PMEPA1: variants seen among roughly 807,000 people sequenced by gnomAD.
PMEPA1 encodes prostate transmembrane protein, androgen induced 1.
In PMEPA1, 11 loss-of-function variants were observed where a neutral mutation model predicts 23.0. That is an observed-to-expected ratio of 0.48 (90% confidence interval 0.30 to 0.79). The LOEUF (loss-of-function observed/expected upper bound fraction) is 0.79, where lower values mean the gene tolerates loss of function less well. Among genes scored for constraint, PMEPA1 ranks in the 30% least tolerant of loss-of-function variants. The pLI, the probability that PMEPA1 is intolerant of heterozygous loss-of-function variation, is 0.06. For missense variants in PMEPA1, 377 were observed against 390.9 expected, an observed-to-expected ratio of 0.96 and a Z score of 0.30; for synonymous variants, 204 against 166.4, an observed-to-expected ratio of 1.23 and a Z score of -1.74.
intron 1 of PMEPA1, among the ~76,000 whole-genome samples, chr20:57,701,857 C>A (rs1353845837): frequency 6.6e-6 from 1 of 152,154 alleles, no homozygotes; most frequent in African/African-American, 2.4e-5. Flanking sequence ...ACATGAGACT[C>A]CTACCAGGTT....
chr20:57,651,952 G>A lies in PMEPA1; in HGVS notation c.*101C>T, dbSNP rs758750370. ...AGGTGGGAGGGGAGGGCCACACGAT[G>A]CGTTGCTGCGCCCCCCGCCTTCCTC... On this transcript the variant is annotated 3_prime_UTR_variant, in exon 4 of 4. Coordinates refer to ENST00000341744, the MANE Select transcript of PMEPA1 (RefSeq NM_020182.5). 1.6e-5 allele frequency: 15 copies of A among 951,976 alleles called. No homozygotes were observed. The highest frequency in any genetic ancestry group is 5.9e-5 in the South Asian group (3 of 50,916). 59.0% of individuals were successfully genotyped at this position (951,976 alleles called of 1,614,324 possible).
At position 57,699,936 on chromosome 20, in the gene PMEPA1, G is replaced by A. The variant is rs980626127; in HGVS notation, c.109+9538C>T. 19 of 441,534 alleles carry A rather than the reference G, an allele frequency of 4.3e-5. 1 individual carries two copies. Among genetic ancestry groups the A allele is most frequent in the South Asian group, 9.7e-5 (6 of 62,014 alleles). The allele number at this position is 441,534 out of a possible 1,614,324, so 27.4% of individuals were successfully genotyped here. A position where few individuals can be genotyped will look rare whatever the true frequency, so the allele number is the denominator to read the frequency against. ...GAACGCACATGTTTCGACAGTCCGCGTTTTACATATATCATACATAAAATA... is the reference window on the plus strand; with the variant it reads ...GAACGCACATGTTTCGACAGTCCGCATTTTACATATATCATACATAAAATA... On this transcript the variant is annotated intron_variant, in intron 1 of 3. Transcript: ENST00000341744.
At chr20:57,697,590 C>T (rs1173276504) in intron 1 of PMEPA1, among the ~76,000 whole-genome samples, 1 of 152,214 alleles carries the variant, frequency 6.6e-6, no homozygotes, top group Non-Finnish European at 1.5e-5. Flanking sequence ...AAGCTAGGAG[C>T]TGGATATTGA....
rs2071240991 is a variant in PMEPA1, at chr20:57,652,088, T to G, written c.829A>C (p.Lys277Gln). ...APLESAAIWSKEKDKQKGHPL is the reference protein window; with the variant it reads ...APLESAAIWSQEKDKQKGHPL ...TGTCCTTTCTGTTTATCCTTCTCTTTGCTCCAGATGGCTGCGCTCTCTAGG... is the reference window on the plus strand; with the variant it reads ...TGTCCTTTCTGTTTATCCTTCTCTTGGCTCCAGATGGCTGCGCTCTCTAGG... The change falls in exon 4 of 4, where the codon AAA (lysine) becomes CAA (glutamine). Residue 277 changes from lysine (K) to glutamine (Q), a missense_variant. Lys to Gln is a moderately conservative substitution (Grantham distance 53). Coordinates refer to ENST00000341744, the MANE Select transcript of PMEPA1 (RefSeq NM_020182.5). This position sits in a 1 kb window ranked among gnomAD's most constrained non-coding sequence, Gnocchi z 6.1. The G allele has an allele frequency of 6.5e-7, 1 of 1,542,224 alleles. No individual in the cohort carries two copies. Among genetic ancestry groups the G allele is most frequent in the South Asian group, 1.2e-5 (1 of 82,740 alleles).
rs1216748050 is a variant in PMEPA1 at position 57,659,770 on chromosome 20, G to C, written c.110-73C>G. ...GCTGTGCTCAGGGCTCAGCCCTTTT[G>C]AGCTTTTTCACCCACCTAGGGGGAC... On this transcript the variant is annotated intron_variant, in intron 1 of 3. Transcript: ENST00000341744. 1.2e-5 allele frequency: 18 copies of C among 1,441,460 alleles called. No homozygotes were observed. In the East Asian group the frequency reaches 4.5e-4, roughly 36 times the overall value. The allele number at this position is 1,441,460 out of a possible 1,614,324, so 89.3% of individuals were successfully genotyped here. A position where few individuals can be genotyped will look rare whatever the true frequency, so the allele number is the denominator to read the frequency against.
intron 1 of PMEPA1, among the ~76,000 whole-genome samples, chr20:57,685,737 G>A (rs1018787045): frequency 6.6e-6 from 1 of 152,086 alleles, no homozygotes; most frequent in Non-Finnish European, 1.5e-5. Context: ...CTGGGAAGGC[G>A]CCTGCTAAGA....
intron 1 of PMEPA1, among the ~76,000 whole-genome samples, chr20:57,687,310 T>C (rs1417644883): frequency 1.3e-5 from 2 of 152,210 alleles, no homozygotes; most frequent in Admixed American, 6.5e-5. Context: ...AGATAGCACA[T>C]CAGTGAAGTG....
intron 1 of PMEPA1, among the ~76,000 whole-genome samples, chr20:57,686,392 T>C (rs1392985929): frequency 6.6e-6 from 1 of 152,190 alleles, no homozygotes; most frequent in Non-Finnish European, 1.5e-5. Flanking sequence ...TCTGCTCTCC[T>C]TCCTCTGTCT....
chr20:57,710,075 C>G, upstream of PMEPA1: 1 of 978,718 alleles, frequency 1.0e-6, no homozygotes, highest in Non-Finnish European at 1.2e-6. Flanking sequence ...GGGGCGCGCG[C>G]TGCGCCAATC....
chr20:57,703,956 G>T (rs2072044422), intron 1 of PMEPA1, among the ~76,000 whole-genome samples: 1 of 152,036 alleles, frequency 6.6e-6, no homozygotes, highest in Non-Finnish European at 1.5e-5. Context: ...GACAGTGAAG[G>T]GGGGCACAAA....
chr20:57,709,485 C>T lies in PMEPA1; in HGVS notation c.98G>A (p.Ser33Asn), dbSNP rs1207470437. 2 of 1,142,338 alleles carry T rather than the reference C, an allele frequency of 1.8e-6. No homozygotes were observed. Among genetic ancestry groups the T allele is most frequent in the Non-Finnish European group, 2.2e-6 (2 of 912,764 alleles). 70.8% of individuals were successfully genotyped at this position (1,142,338 alleles called of 1,614,324 possible). ...GTGGGGTCACTCACTGATCTCCATG[C>T]TCTGGAACAAAGAGCGTTTGCAGTT... Reference protein sequence around the residue: ...TCNCKRSLFQSMEITELEFVQ... With the variant: ...TCNCKRSLFQNMEITELEFVQ... The change falls in exon 1 of 4, where the codon AGC (serine) becomes AAC (asparagine). Residue 33 changes from serine to asparagine, a missense_variant. By Grantham distance (46) the Ser-to-Asn change is conservative. Around this residue, in one of 3 missense-constraint regions of PMEPA1, gnomAD observed 198 missense variants for 196.3 expected, o/e 1.01. Coordinates refer to ENST00000341744, the MANE Select transcript of PMEPA1 (RefSeq NM_020182.5).
rs373131498 is a variant in PMEPA1, at chr20:57,701,064, CA to C, written c.109+8409del. Among the ~76,000 whole-genome samples the C allele has an allele frequency of 7.1e-3, 1,022 of 144,218 alleles. 12 individuals carry two copies. Among genetic ancestry groups the C allele is most frequent in the African/African-American group, 0.021 (847 of 39,726 alleles). 94.6% of individuals were successfully genotyped at this position (144,218 alleles called of 152,430 possible). On this transcript the variant is annotated intron_variant, in intron 1 of 3. Coordinates refer to ENST00000341744, the MANE Select transcript of PMEPA1 (RefSeq NM_020182.5). ...GAAAAGAAAAGAAAAAAGAAGACAT[CA>C]AAAAAAAAAAGAGAAGAAAATCAGA...
At chr20:57,686,143 G>A (rs1466020498) in intron 1 of PMEPA1, among the ~76,000 whole-genome samples, 7 of 152,156 alleles carry the variant, frequency 4.6e-5, no homozygotes, top group South Asian at 2.1e-4. Context: ...CAAGCCGTGC[G>A]CTGACCTCTC....
intron 1 of PMEPA1, among the ~76,000 whole-genome samples, chr20:57,687,414 G>C (rs1391562501): frequency 6.6e-6 from 1 of 152,176 alleles, no homozygotes; most frequent in Non-Finnish European, 1.5e-5. Context: ...ACCAGGTCAG[G>C]AAAGAACCCA....
rs182309854 is a variant in PMEPA1, at chr20:57,675,626, C to T, written c.110-15929G>A. On this transcript the variant is annotated intron_variant, in intron 1 of 3. Coordinates refer to ENST00000341744, the MANE Select transcript of PMEPA1 (RefSeq NM_020182.5). ...AAATGCTGCTGGCCACACTGACAGT[C>T]GGCCCCTGAATGGATTGCCGGGCCC... 2.7e-3 allele frequency among the ~76,000 whole-genome samples: 410 copies of T among 152,264 alleles called. 2 individuals carry two copies. Among genetic ancestry groups the T allele is most frequent in the Middle Eastern group, 0.024 (7 of 292 alleles).
chr20:57,701,064 C>CA (rs373131498), intron 1 of PMEPA1, among the ~76,000 whole-genome samples: 3,324 of 144,378 alleles, frequency 0.023, 118 homozygotes, highest in African/African-American at 0.075. Flanking sequence ...AAGAAGACAT[C>CA]AAAAAAAAAA....
chr20:57,670,692 C>T (rs1006614612), intron 1 of PMEPA1, among the ~76,000 whole-genome samples: 8 of 152,230 alleles, frequency 5.3e-5, no homozygotes, highest in Non-Finnish European at 1.0e-4. Context: ...CCAGCCAGCA[C>T]AGACCCAAGG....
chr20:57,698,677 G>C (rs2071973166), intron 1 of PMEPA1, among the ~76,000 whole-genome samples: 2 of 152,202 alleles, frequency 1.3e-5, no homozygotes, highest in African/African-American at 2.4e-5. Flanking sequence ...GGAATCTGCG[G>C]AACTGGCGCG....
intron 1 of PMEPA1, among the ~76,000 whole-genome samples, chr20:57,661,034 C>T (rs6070209): frequency 0.052 from 7,917 of 152,288 alleles, 327 homozygotes; most frequent in African/African-American, 0.11. Context: ...CTCAACAGGA[C>T]GGGGGTGTCA....
Sources: gnomAD v4.1 joint callset for allele counts (sites outside exome capture counted in the v4.1 genomes callset) on GRCh38, gnomAD v4.1.1 for gene constraint, gnomAD v4.1.1 regional missense constraint, Gnocchi (gnomAD v3.1) non-coding constraint, MANE v1.5 for transcripts, NCBI Gene and HGNC (gene_info 2026-07-23, HGNC 2026-07-21) for gene names.